The following TCF7 variants were observed in gnomAD, a reference collection of about 807,000 sequenced individuals.
TCF7 encodes the protein transcription factor 7, also known as T-cell-factor-7.
In TCF7, 19 loss-of-function variants were observed where a neutral mutation model predicts 46.8. The observed-to-expected ratio is 0.41, with a 90% CI of 0.28 to 0.60. TCF7 has a LOEUF of 0.60. TCF7 is among the 20% of genes least tolerant of loss of function. TCF7 has a pLI of 0.35. For missense variants in TCF7, 547 were observed against 504.6 expected (o/e 1.08, Z -0.81); for synonymous variants, 245 against 213.4 (o/e 1.15, Z -1.29).
upstream of TCF7, among the ~76,000 whole-genome samples, chr5:134,114,236 C>T (rs1755485485): frequency 6.6e-6 from 1 of 152,144 alleles, no homozygotes; most frequent in Admixed American, 6.5e-5. Flanking sequence ...CCAACGCTGC[C>T]GGTTCCCTGG....
chr5:134,113,787 T>G (rs1580779651), upstream of TCF7, among the ~76,000 whole-genome samples: 3 of 152,192 alleles, frequency 2.0e-5, no homozygotes, highest in Admixed American at 2.0e-4. Context: ...TCAGCCTGGA[T>G]CGAGCGAGGG....
chr5:134,126,932 T>C (rs1316889417), intron 3 of TCF7, among the ~76,000 whole-genome samples: 2 of 150,518 alleles, frequency 1.3e-5, no homozygotes, highest in Non-Finnish European at 1.5e-5. Flanking sequence ...GCCAAGAAAG[T>C]AGGTATTATT....
At chr5:134,122,263 C>T (rs951566832) in intron 3 of TCF7, among the ~76,000 whole-genome samples, 2 of 152,178 alleles carry the variant, frequency 1.3e-5, no homozygotes, top group African/African-American at 4.8e-5. Context: ...GCGGTTTGCC[C>T]CTCCTCTGGA....
At chr5:134,145,086 GAC>G (rs1760489500) in intron 9 of TCF7, 3 of 640,178 alleles carry the variant, frequency 4.7e-6, no homozygotes, top group South Asian at 1.7e-5. Flanking sequence ...TGGAGAGAAA[GAC>G]ACAGAATGTT....
chr5:134,145,276 T>C (rs1483270327), intron 9 of TCF7: 1 of 540,892 alleles, frequency 1.8e-6, no homozygotes, highest in Non-Finnish European at 3.6e-6. Flanking sequence ...TCCCTGCCTG[T>C]ACCATCCTGA....
At chr5:134,137,419 C>CT (rs1251883294) in intron 3 of TCF7, among the ~76,000 whole-genome samples, 1 of 115,850 alleles carries the variant, frequency 8.6e-6, no homozygotes, top group African/African-American at 3.6e-5. Flanking sequence ...GAGTGAGACT[C>CT]TGTCTCAAAA....
rs1755670462 is a variant in TCF7, at chr5:134,115,466, G to A, written c.316+79G>A. ...GTGGGACGGGGACGCCAAGGACCGC[G>A]GGGAGCCGGGTGCCTCCCCCACCGC... On this transcript the variant is annotated intron_variant, in intron 2 of 9. Coordinates refer to ENST00000342854, the MANE Select transcript of TCF7 (RefSeq NM_003202.5). 3.9e-6 allele frequency: 6 copies of A among 1,524,182 alleles called. No homozygotes were observed. In the South Asian group the frequency reaches 4.9e-5, roughly 12 times the overall value. The allele number at this position is 1,524,182 out of a possible 1,614,324, so 94.4% of individuals were successfully genotyped here.
Position 134,115,317 on chromosome 5 carries a change from C to T in TCF7, c.250-4C>T, listed in dbSNP as rs778769795. 3.2e-6 allele frequency: 5 copies of T among 1,578,456 alleles called. No individual in the cohort carries two copies. In the Admixed American group the frequency reaches 5.3e-5, roughly 17 times the overall value. On this transcript the variant is annotated splice_polypyrimidine_tract_variant and splice_region_variant and intron_variant, in intron 1 of 9. Transcript: ENST00000342854. ...CCCTCACTCCCCTCCGGTTCTCCCT[C>T]CAGGCTCTCGGGCGGGAACACGCTG...
Position 134,146,661 on chromosome 5 carries a change from T to G in TCF7, c.*358T>G. The G allele has an allele frequency of 1.6e-6, 1 of 644,942 alleles. No individual in the cohort carries two copies. Among genetic ancestry groups the G allele is most frequent in the South Asian group, 1.8e-5 (1 of 56,728 alleles). The allele number at this position is 644,942 out of a possible 1,614,324, so 40.0% of individuals were successfully genotyped here. ...TGAAGATTTCAGAGGCTGCAGGACT[T>G]CTGCCTGAACCTGGGGTCATCGATT... On this transcript the variant is annotated 3_prime_UTR_variant, in exon 10 of 10. Coordinates refer to ENST00000342854, the MANE Select transcript of TCF7 (RefSeq NM_003202.5).
chr5:134,122,309 A>G lies in TCF7; in HGVS notation c.441+6276A>G, dbSNP rs575558851. Among the ~76,000 whole-genome samples, 3 of 152,258 alleles carry G rather than the reference A, an allele frequency of 2.0e-5. No homozygotes were observed. The East Asian group carries it at 5.8e-4, about 29-fold the overall frequency. On this transcript the variant is annotated intron_variant, in intron 3 of 9. Transcript: ENST00000342854. The stretch of plus-strand genomic sequence containing the variant: ...GAGTACTAGCTCAGCAGGGTAGGAA[A>G]GACCTTCCCAAGGCCCAGGGCTGGC...
intron 3 of TCF7, among the ~76,000 whole-genome samples, chr5:134,134,157 C>T (rs1194732556): frequency 6.6e-6 from 1 of 152,256 alleles, no homozygotes; most frequent in Non-Finnish European, 1.5e-5. Context: ...CACCATGGAG[C>T]CATGCTCTCA....
intron 3 of TCF7, among the ~76,000 whole-genome samples, chr5:134,133,187 G>A (rs959710428): frequency 6.6e-6 from 1 of 152,156 alleles, no homozygotes; most frequent in Non-Finnish European, 1.5e-5. Context: ...TGGGTCTGGG[G>A]TTTGCTGATC....
At chr5:134,141,143 C>A in intron 5 of TCF7, 1 of 204,988 alleles carries the variant, frequency 4.9e-6, no homozygotes, top group Non-Finnish European at 1.0e-5. Context: ...TGGCTCAGCC[C>A]GTGTGCAGAT....
intron 6 of TCF7, 34 bp downstream of exon 6, chr5:134,142,338 T>A (rs1759941750): frequency 2.0e-5 from 31 of 1,550,500 alleles, no homozygotes; most frequent in Non-Finnish European, 2.7e-5. Flanking sequence ...AGGGGGTGTG[T>A]CAGTCAGGAT....
Position 134,146,275 on chromosome 5 carries a change from C to G in TCF7, c.1127C>G (p.Ala376Gly). Residue 376 changes from alanine to glycine, a missense_variant, in exon 10 of 10, where the codon GCC (alanine) becomes GGC (glycine). By Grantham distance (60) the Ala-to-Gly change is moderately conservative (BLOSUM62 0). Coordinates refer to ENST00000342854, the MANE Select transcript of TCF7 (RefSeq NM_003202.5). Reference protein sequence around the residue: ...GTYPEKAAAPAPFLPMTVL With the variant: ...GTYPEKAAAPGPFLPMTVL ...TACCCGGAGAAGGCCGCTGCCCCAG[C>G]CCCGTTCCTTCCGATGACAGTGCTC... The G allele has an allele frequency of 1.2e-6, 2 of 1,614,186 alleles. No homozygotes were observed. Among genetic ancestry groups the G allele is most frequent in the Non-Finnish European group, 1.7e-6 (2 of 1,180,026 alleles).
chr5:134,123,606 C>T (rs577578107), intron 3 of TCF7: 5 of 442,466 alleles, frequency 1.1e-5, no homozygotes, highest in Non-Finnish European at 2.3e-5. Context: ...CATGCTCCAT[C>T]AGCAGAGGGG....
At chr5:134,119,303 G>A (rs1756260430) in intron 3 of TCF7, among the ~76,000 whole-genome samples, 1 of 152,184 alleles carries the variant, frequency 6.6e-6, no homozygotes. Context: ...GAGACAGAAA[G>A]AGGATTAGTG....
chr5:134,123,875 C>T (rs762069340), intron 3 of TCF7: 10 of 454,778 alleles, frequency 2.2e-5, no homozygotes, highest in African/African-American at 1.0e-4. Flanking sequence ...ATGGGAGGAA[C>T]TCGAACAGAG....
At chr5:134,126,475 A>G (rs1757359315) in intron 3 of TCF7, among the ~76,000 whole-genome samples, 1 of 152,180 alleles carries the variant, frequency 6.6e-6, no homozygotes, top group Non-Finnish European at 1.5e-5. Context: ...CTCAGTGCCC[A>G]CCCTAGGGCC....
Sources: allele counts gnomAD v4.1 joint callset (sites outside exome capture counted in the v4.1 genomes callset), GRCh38; gene constraint gnomAD v4.1.1; transcripts MANE v1.5; gene names NCBI Gene and HGNC (gene_info 2026-07-23, HGNC 2026-07-21).